The following GABRG3 variants were observed in gnomAD, a reference collection of about 807,000 sequenced individuals.
GABRG3 encodes gamma-aminobutyric acid receptor subunit gamma-3.
Under a neutral mutation model 48.8 loss-of-function variants are expected in GABRG3, and 25 were observed. The ratio of observed to expected loss-of-function variants is 0.51; its 90% confidence interval spans 0.37 to 0.72. The LOEUF (loss-of-function observed/expected upper bound fraction) is 0.72. Ranked by LOEUF, GABRG3 falls within the 30% of genes least tolerant of loss-of-function variation. The probability of loss-of-function intolerance (pLI) is 0.00; values close to 1 mark genes in which losing one functional copy is unlikely to be tolerated. For synonymous variants in GABRG3, 227 were observed against 217.6 expected, an observed-to-expected ratio of 1.04 and a Z score of -0.38; for missense variants, 394 against 577.9, an observed-to-expected ratio of 0.68 and a Z score of 3.26.
At chr15:27,318,668 AT>A (rs1297511285) in intron 3 of GABRG3, among the ~76,000 whole-genome samples, 1 of 152,162 alleles carries the variant, frequency 6.6e-6, no homozygotes, top group Non-Finnish European at 1.5e-5. Flanking sequence ...CCTGGAGGGA[AT>A]TCAGATGTTT....
intron 3 of GABRG3, among the ~76,000 whole-genome samples, chr15:27,193,138 C>T (rs1299446984): frequency 6.6e-6 from 1 of 151,998 alleles, no homozygotes; most frequent in Non-Finnish European, 1.5e-5. Context: ...TGGGGGGTGC[C>T]TCCCAGTTAG....
chr15:26,992,010 C>T (rs375725170), intron 2 of GABRG3, among the ~76,000 whole-genome samples: 21 of 152,278 alleles, frequency 1.4e-4, no homozygotes, highest in African/African-American at 2.2e-4. Flanking sequence ...TGAGCCACTG[C>T]GCCCAGCCTA....
chr15:27,032,714 A>G (rs2140688239), intron 3 of GABRG3, among the ~76,000 whole-genome samples: 1 of 152,232 alleles, frequency 6.6e-6, no homozygotes, highest in East Asian at 1.9e-4. Context: ...CTCCCACCAA[A>G]CCCCACATCC....
At chr15:27,171,466 T>C (rs1887564163) in intron 3 of GABRG3, among the ~76,000 whole-genome samples, 1 of 151,098 alleles carries the variant, frequency 6.6e-6, no homozygotes, top group Non-Finnish European at 1.5e-5. Flanking sequence ...TATGCCATGC[T>C]ATCACTTTTC....
chr15:27,052,583 G>C (rs749332068), intron 3 of GABRG3, among the ~76,000 whole-genome samples: 8 of 152,092 alleles, frequency 5.3e-5, no homozygotes, highest in Non-Finnish European at 1.2e-4. Flanking sequence ...TAAAACACAC[G>C]AAATCTAGTA....
At chr15:27,450,372 A>G (rs565234951) in intron 5 of GABRG3, among the ~76,000 whole-genome samples, 2 of 152,352 alleles carry the variant, frequency 1.3e-5, no homozygotes, top group East Asian at 3.9e-4. Context: ...ACCATGAGCA[A>G]GTGGGACTTA....
chr15:27,114,660 G>C (rs1052643383), intron 3 of GABRG3, among the ~76,000 whole-genome samples: 1 of 152,182 alleles, frequency 6.6e-6, no homozygotes, highest in African/African-American at 2.4e-5. Context: ...ACATCCTGCT[G>C]TGTTTTCTGC....
chr15:27,335,639 C>T (rs66832162), intron 5 of GABRG3, among the ~76,000 whole-genome samples: 24,534 of 151,808 alleles, frequency 0.16, 4,258 homozygotes, highest in African/African-American at 0.45. Context: ...GGCAGATTCA[C>T]AGAGAAAGCA....
At chr15:27,060,926 G>GT (rs977764332) in intron 3 of GABRG3, among the ~76,000 whole-genome samples, 2 of 152,048 alleles carry the variant, frequency 1.3e-5, no homozygotes, top group African/African-American at 4.8e-5. Context: ...GGTCTCTGAG[G>GT]TTTTTTTGGA....
chr15:27,368,973 A>G lies in GABRG3; in HGVS notation c.574+40085A>G, dbSNP rs115013170. ...TCAAGGGCCAGGTAATAAGTCATTT[A>G]TATTTTCTGAAACTTGAGTTTAAGT... On this transcript the variant is annotated intron_variant, in intron 5 of 9. Transcript: ENST00000615808. 9.6e-3 allele frequency among the ~76,000 whole-genome samples: 1,460 copies of G among 152,298 alleles called. 22 individuals carry two copies. The highest frequency in any genetic ancestry group is 0.034 in the African/African-American group (1,395 of 41,556).
At chr15:27,460,858 G>A (rs976035183) in intron 5 of GABRG3, among the ~76,000 whole-genome samples, 1 of 152,114 alleles carries the variant, frequency 6.6e-6, no homozygotes, top group African/African-American at 2.4e-5. Context: ...CATTTGGTGG[G>A]GGTCCAGGTT....
intron 3 of GABRG3, among the ~76,000 whole-genome samples, chr15:27,276,971 A>G (rs1566990595): frequency 6.6e-6 from 1 of 152,142 alleles, no homozygotes; most frequent in African/African-American, 2.4e-5. Flanking sequence ...TATCTGGGAG[A>G]AGTTTGTGGT....
intron 5 of GABRG3, among the ~76,000 whole-genome samples, chr15:27,349,955 C>A (rs1894502302): frequency 6.5e-4 from 2 of 3,066 alleles, no homozygotes; most frequent in African/African-American, 1.5e-3. Context: ...TCTTCAGTGA[C>A]AATAACAAAA....
At chr15:27,483,771 AAG>A (rs1249547189) in intron 6 of GABRG3, among the ~76,000 whole-genome samples, 2 of 152,174 alleles carry the variant, frequency 1.3e-5, no homozygotes, top group East Asian at 3.9e-4. Context: ...TTAGTGTACT[AAG>A]ACTTCTGACT....
intron 3 of GABRG3, among the ~76,000 whole-genome samples, chr15:27,070,739 C>G (rs940767367): frequency 6.6e-6 from 1 of 152,166 alleles, no homozygotes; most frequent in African/African-American, 2.4e-5. Flanking sequence ...ATGGAGTGCA[C>G]TGGTAGGGTG....
chr15:27,200,335 A>G (rs208136), intron 3 of GABRG3, among the ~76,000 whole-genome samples: 26,822 of 152,234 alleles, frequency 0.18, 2,448 homozygotes, highest in East Asian at 0.34. Flanking sequence ...CATGAGCCAT[A>G]TTAGAAACAC....
chr15:27,303,323 C>G (rs891061057), intron 3 of GABRG3, among the ~76,000 whole-genome samples: 10 of 151,610 alleles, frequency 6.6e-5, no homozygotes, highest in African/African-American at 2.4e-4. Context: ...AGAAACACCT[C>G]TATGGGAATA....
At chr15:27,351,724 GTATA>G (rs1369408630) in intron 5 of GABRG3, among the ~76,000 whole-genome samples, 1 of 149,602 alleles carries the variant, frequency 6.7e-6, no homozygotes, top group South Asian at 2.1e-4. Flanking sequence ...GTGTGTGTGT[GTATA>G]TATATGTGTG....
At chr15:27,378,730 G>T (rs920036716) in intron 5 of GABRG3, among the ~76,000 whole-genome samples, 2 of 152,150 alleles carry the variant, frequency 1.3e-5, no homozygotes, top group Non-Finnish European at 1.5e-5. Context: ...TTAGGCCAGG[G>T]CAACAATTTC....
Sources: allele counts gnomAD v4.1 joint callset (sites outside exome capture counted in the v4.1 genomes callset), GRCh38; gene constraint gnomAD v4.1.1; transcripts MANE v1.5; gene names NCBI Gene and HGNC (gene_info 2026-07-23, HGNC 2026-07-21).